NUPR2: variants seen among roughly 807,000 people sequenced by gnomAD.
NUPR2 encodes nuclear protein 2.
Under a neutral mutation model 7.3 loss-of-function variants are expected in NUPR2, and 14 were observed. The ratio of observed to expected loss-of-function variants is 1.93; its 90% confidence interval spans 1.27 to 3.01. The LOEUF is 3.01. Among genes scored for constraint, NUPR2 ranks in the 30% most tolerant of loss-of-function variants. The pLI is 0.00. For missense variants in NUPR2, 162 were observed against 143.7 expected (o/e 1.13, Z -0.65); for synonymous variants, 56 against 59.7 (o/e 0.94, Z 0.29).
rs1785531021 is a variant in NUPR2, at chr7:56,115,438, TG to T, written c.*7-542del. Among the ~76,000 whole-genome samples, 3 of 47,682 alleles carry T rather than the reference TG, an allele frequency of 6.3e-5. 1 individual carries two copies. The South Asian group carries it at 2.0e-3, about 32-fold the overall frequency. 31.3% of individuals were successfully genotyped at this position (47,682 alleles called of 152,430 possible). A position where few individuals can be genotyped will look rare whatever the true frequency, so the allele number is the denominator to read the frequency against. ...ATATATATATATATATTTGTGTGTG[TG>T]TGTGTGTGTGTGTGTGTGTGTGTGT... On this transcript the variant is annotated intron_variant, in intron 1 of 1. Coordinates refer to ENST00000329309, the MANE Select transcript of NUPR2 (RefSeq NM_001145712.2).
intron 1 of NUPR2, among the ~76,000 whole-genome samples, 184 bp downstream of exon 1, chr7:56,115,831 A>G (rs1195439937): frequency 1.3e-5 from 2 of 151,752 alleles, no homozygotes; most frequent in African/African-American, 4.8e-5. Context: ...CTACCCACCT[A>G]TGAAGTTCCG....
chr7:56,115,429 T>TATATTTG (rs1554376538), intron 1 of NUPR2, among the ~76,000 whole-genome samples: 5 of 30,998 alleles, frequency 1.6e-4, no homozygotes, highest in Admixed American at 4.8e-4. Context: ...ATATATATAT[T>TATATTTG]TGTGTGTGTG....
chr7:56,116,235 T>C lies in NUPR2; in HGVS notation c.80A>G (p.Glu27Gly). 6.5e-7 allele frequency: 1 copy of C among 1,544,300 alleles called. No homozygotes were observed. Among genetic ancestry groups the C allele is most frequent in the Non-Finnish European group, 8.7e-7 (1 of 1,144,212 alleles). The change falls in exon 1 of 2, where the codon GAG becomes GGG. Residue 27 changes from glutamate (E) to glycine (G), a missense_variant. By Grantham distance (98) the Glu-to-Gly change is moderately conservative. Coordinates refer to ENST00000329309, the MANE Select transcript of NUPR2 (RefSeq NM_001145712.2). ...RPPPPISYEE[E>G]LYDCLDYYYL... ...GTAGTAGTCCAGGCAGTCGTAAAGC[T>C]CCTCCTCGTAGCTTATGGGTGGCGG...
chr7:56,115,921 G>T (rs1228978894), intron 1 of NUPR2, 94 bp downstream of exon 1: 4 of 1,163,772 alleles, frequency 3.4e-6, no homozygotes, highest in Non-Finnish European at 4.6e-6. Flanking sequence ...CTCAGAGGCA[G>T]CCGACTCTGC....
In NUPR2 at chr7:56,116,024, G is replaced by T. The variant is rs1483984948; in HGVS notation, c.291C>A (p.Thr97=). The T allele has an allele frequency of 6.8e-7, 1 of 1,476,726 alleles. No homozygotes were observed. The allele number at this position is 1,476,726 out of a possible 1,614,324, so 91.5% of individuals were successfully genotyped here. A position where few individuals can be genotyped will look rare whatever the true frequency, so the allele number is the denominator to read the frequency against. Residue 97 remains threonine, a synonymous_variant, in exon 1 of 2, where the codon ACC becomes ACA. Transcript: ENST00000329309. ...QLHPKMRTRL[T] is the part of the protein sequence containing the mutation. Reference sequence around the variant, plus strand: ...TGTTGGGCGCACGTACCCAGGCTCAGGTGAGGCGAGTGCGCATCTTGGGAT... The same window carrying T: ...TGTTGGGCGCACGTACCCAGGCTCATGTGAGGCGAGTGCGCATCTTGGGAT...
chr7:56,115,429 T>TATATATGTATATATATA (rs1554376538), intron 1 of NUPR2, among the ~76,000 whole-genome samples: 1 of 30,988 alleles, frequency 3.2e-5, no homozygotes, highest in Non-Finnish European at 5.4e-5. Flanking sequence ...ATATATATAT[T>TATATATGTATATATATA]TGTGTGTGTG....
chr7:56,115,429 T>TATATATATATATATACA (rs1554376538), intron 1 of NUPR2, among the ~76,000 whole-genome samples: 1 of 30,996 alleles, frequency 3.2e-5, no homozygotes. Context: ...ATATATATAT[T>TATATATATATATATACA]TGTGTGTGTG....
At chr7:56,115,431 G>GTATATATACATA (rs56746301) in intron 1 of NUPR2, among the ~76,000 whole-genome samples, 21 of 26,748 alleles carry the variant, frequency 7.9e-4, no homozygotes, top group South Asian at 2.3e-3. Flanking sequence ...ATATATATTT[G>GTATATATACATA]TGTGTGTGTG....
chr7:56,116,328 G>A lies in NUPR2; in HGVS notation c.-14C>T, dbSNP rs1020298443. 21 of 1,344,750 alleles carry A rather than the reference G, an allele frequency of 1.6e-5. No homozygotes were observed. The African/African-American group carries it at 3.3e-4, about 21-fold the overall frequency. The allele number at this position is 1,344,750 out of a possible 1,614,324, so 83.3% of individuals were successfully genotyped here. On this transcript the variant is annotated 5_prime_UTR_variant, in exon 1 of 2. Coordinates refer to ENST00000329309, the MANE Select transcript of NUPR2 (RefSeq NM_001145712.2). ...GGGCGCTTCCATCCTGCCCAGGCCT[G>A]TGGCCACCGGCGGCCACCTGCCCGC...
intron 1 of NUPR2, 98 bp downstream of exon 1, chr7:56,115,917 G>A: frequency 8.9e-7 from 1 of 1,119,570 alleles, no homozygotes; most frequent in Non-Finnish European, 1.2e-6. Context: ...TTCCCTCAGA[G>A]GCAGCCGACT....
chr7:56,116,111 G>C lies in NUPR2; in HGVS notation c.204C>G (p.His68Gln). The C allele has an allele frequency of 1.3e-6, 2 of 1,540,832 alleles. No homozygotes were observed. The highest frequency in any genetic ancestry group is 8.8e-7 in the Non-Finnish European group (1 of 1,142,766). Residue 68 changes from histidine to glutamine, a missense_variant, in exon 1 of 2, where the codon CAC becomes CAG. By Grantham distance (24) the His-to-Gln change is conservative. Coordinates refer to ENST00000329309, the MANE Select transcript of NUPR2 (RefSeq NM_001145712.2). ...LRTNWPAPGG[H>Q]ERKVAQKLLN... ...GGAGCTTCTGCGCGACCTTGCGCTC[G>C]TGCCCGCCAGGTGCAGGCCAGTTGG...
At chr7:56,115,310 G>T (rs1785520804) in intron 1 of NUPR2, among the ~76,000 whole-genome samples, 1 of 147,034 alleles carries the variant, frequency 6.8e-6, no homozygotes, top group Non-Finnish European at 1.5e-5. Context: ...TTAGACACAG[G>T]GTCTCCCTCT....
chr7:56,116,110 C>T lies in NUPR2; in HGVS notation c.205G>A (p.Glu69Lys). Residue 69 changes from glutamate to lysine, a missense_variant, in exon 1 of 2, where the codon GAG (glutamate) becomes AAG (lysine). Transcript: ENST00000329309. Reference sequence around the variant, plus strand: ...AGGAGCTTCTGCGCGACCTTGCGCTCGTGCCCGCCAGGTGCAGGCCAGTTG... The same window carrying T: ...AGGAGCTTCTGCGCGACCTTGCGCTTGTGCCCGCCAGGTGCAGGCCAGTTG... Reference protein sequence around the residue: ...RTNWPAPGGHERKVAQKLLNG... With the variant: ...RTNWPAPGGHKRKVAQKLLNG... 6.5e-7 allele frequency: 1 copy of T among 1,540,832 alleles called. No homozygotes were observed. Among genetic ancestry groups the T allele is most frequent in the Non-Finnish European group, 8.8e-7 (1 of 1,142,752 alleles).
At chr7:56,115,397 A>ATATATATATATATATACACATATG (rs1785522266) in intron 1 of NUPR2, among the ~76,000 whole-genome samples, 1 of 14,682 alleles carries the variant, frequency 6.8e-5, no homozygotes, top group African/African-American at 4.6e-4. Flanking sequence ...TCGATCGCAT[A>ATATATATATATATATACACATATG]TATATATATA....
At position 56,115,411 on chromosome 7, in the gene NUPR2, A is replaced by ATATG. The variant is rs1785524032; in HGVS notation, c.*7-515_*7-514insCATA. ...CTCGATCGCATATATATATATATAT[A>ATATG]TATATATATATATATATTTGTGTGT... is the stretch of plus-strand genomic sequence containing the variant. On this transcript the variant is annotated intron_variant, in intron 1 of 1. Transcript: ENST00000329309. Among the ~76,000 whole-genome samples the ATATG allele has an allele frequency of 7.3e-5, 2 of 27,380 alleles. 1 individual carries two copies. The highest frequency in any genetic ancestry group is 2.1e-3 in the South Asian group (2 of 958). The allele number at this position is 27,380 out of a possible 152,430, so 18.0% of individuals were successfully genotyped here. A position where few individuals can be genotyped will look rare whatever the true frequency, so the allele number is the denominator to read the frequency against.
chr7:56,115,445 G>A (rs1445280953), intron 1 of NUPR2, among the ~76,000 whole-genome samples: 19,512 of 36,328 alleles, frequency 0.54, 6,908 homozygotes, highest in African/African-American at 0.67. Context: ...GTGTGTGTGT[G>A]TGTGTGTGTG....
intron 1 of NUPR2, among the ~76,000 whole-genome samples, chr7:56,115,429 T>TATATATACGTATATATA (rs1554376538): frequency 2.3e-4 from 7 of 31,000 alleles, no homozygotes; most frequent in East Asian, 1.7e-3. Flanking sequence ...ATATATATAT[T>TATATATACGTATATATA]TGTGTGTGTG....
chr7:56,115,429 T>TATATACGTATATATA (rs1554376538), intron 1 of NUPR2, among the ~76,000 whole-genome samples: 16 of 31,000 alleles, frequency 5.2e-4, no homozygotes, highest in East Asian at 1.7e-3. Flanking sequence ...ATATATATAT[T>TATATACGTATATATA]TGTGTGTGTG....
rs368563943 is a variant in NUPR2 at position 56,115,411 on chromosome 7, A to G, written c.*7-514T>C. ...CTCGATCGCATATATATATATATATATATATATATATATATATTTGTGTGT... is the reference window on the plus strand; with the variant it reads ...CTCGATCGCATATATATATATATATGTATATATATATATATATTTGTGTGT... On this transcript the variant is annotated intron_variant, in intron 1 of 1. Transcript: ENST00000329309. 1.7e-3 allele frequency among the ~76,000 whole-genome samples: 47 copies of G among 27,360 alleles called. 1 individual carries two copies. The highest frequency in any genetic ancestry group is 3.8e-3 in the East Asian group (1 of 266). 17.9% of individuals were successfully genotyped at this position (27,360 alleles called of 152,430 possible).
Sources: gnomAD v4.1 joint callset for allele counts (sites outside exome capture counted in the v4.1 genomes callset) on GRCh38, gnomAD v4.1.1 for gene constraint, MANE v1.5 for transcripts, NCBI Gene and HGNC (gene_info 2026-07-23, HGNC 2026-07-21) for gene names.